Variants in FBXL17 observed in about 807,000 individuals in gnomAD.
FBXL17 encodes the protein F-box and leucine rich repeat protein 17.
FBXL17 carries 22 observed loss-of-function variants against 66.2 expected under a neutral mutation model. The observed-to-expected ratio is 0.33, with a 90% CI of 0.24 to 0.47. The LOEUF (loss-of-function observed/expected upper bound fraction) is 0.47, where lower values mean the gene tolerates loss of function less well. Ranked by LOEUF, FBXL17 falls within the 20% of genes least tolerant of loss-of-function variation. The probability of loss-of-function intolerance (pLI) is 1.00; values close to 1 mark genes in which losing one functional copy is unlikely to be tolerated. For missense variants in FBXL17, 878 were observed against 948.2 expected (o/e 0.93, Z 0.97); for synonymous variants, 474 against 400.5 (o/e 1.18, Z -2.19).
At chr5:108,051,144 T>A (rs562995730) in intron 6 of FBXL17, among the ~76,000 whole-genome samples, 1 of 152,282 alleles carries the variant, frequency 6.6e-6, no homozygotes, top group African/African-American at 2.4e-5. Context: ...CATAGCCCAA[T>A]TCTACCAGAG....
intron 3 of FBXL17, among the ~76,000 whole-genome samples, chr5:108,357,927 A>C (rs572058699): frequency 6.6e-6 from 1 of 152,266 alleles, no homozygotes; most frequent in Non-Finnish European, 1.5e-5. Context: ...CAGTGTTTAA[A>C]GGCAAATTTA....
intron 7 of FBXL17, among the ~76,000 whole-genome samples, chr5:107,902,673 G>A (rs776242775): frequency 2.8e-4 from 42 of 152,044 alleles, no homozygotes; most frequent in Non-Finnish European, 4.6e-4. Context: ...ATGTACTCTT[G>A]GAGACCATCT....
At chr5:108,328,491 T>C (rs966928713) in intron 4 of FBXL17, among the ~76,000 whole-genome samples, 1 of 152,020 alleles carries the variant, frequency 6.6e-6, no homozygotes, top group African/African-American at 2.4e-5. Flanking sequence ...CTATTGTTTG[T>C]GATGGGAAAA....
intron 4 of FBXL17, among the ~76,000 whole-genome samples, chr5:108,269,351 A>T (rs1757172333): frequency 6.6e-6 from 1 of 152,032 alleles, no homozygotes; most frequent in Non-Finnish European, 1.5e-5. Flanking sequence ...CAAGCGTTCA[A>T]TCTTTAGTTT....
chr5:107,933,120 G>A (rs1284823278), intron 7 of FBXL17, among the ~76,000 whole-genome samples: 3 of 152,122 alleles, frequency 2.0e-5, no homozygotes, highest in Non-Finnish European at 1.5e-5. Flanking sequence ...GAACGGTACT[G>A]AATTTACAGG....
chr5:108,181,529 G>C (rs1265815357), intron 6 of FBXL17, among the ~76,000 whole-genome samples: 1 of 152,046 alleles, frequency 6.6e-6, no homozygotes, highest in Non-Finnish European at 1.5e-5. Flanking sequence ...ACACCATAAA[G>C]TATAACAGTA....
At chr5:107,868,376 G>A (rs748938264) in intron 8 of FBXL17, among the ~76,000 whole-genome samples, 2 of 152,200 alleles carry the variant, frequency 1.3e-5, no homozygotes, top group Admixed American at 1.3e-4. Context: ...CAAAATGGGT[G>A]CTCTAAATGT....
chr5:108,317,287 T>A (rs541549308), intron 4 of FBXL17, among the ~76,000 whole-genome samples: 2 of 151,286 alleles, frequency 1.3e-5, no homozygotes, highest in East Asian at 3.9e-4. Flanking sequence ...TAAAGAACAC[T>A]TTATTAAAAG....
intron 7 of FBXL17, among the ~76,000 whole-genome samples, chr5:107,970,249 A>C (rs916286792): frequency 2.6e-5 from 4 of 152,170 alleles, no homozygotes; most frequent in Non-Finnish European, 4.4e-5. Context: ...TTTGTTACCA[A>C]ACGCAAGTTC....
intron 7 of FBXL17, among the ~76,000 whole-genome samples, chr5:107,946,395 A>C (rs1212253239): frequency 7.0e-6 from 1 of 142,970 alleles, no homozygotes; most frequent in Non-Finnish European, 1.5e-5. Context: ...CCTTGGCTTA[A>C]GTGATCTGTT....
intron 1 of FBXL17, among the ~76,000 whole-genome samples, chr5:108,373,792 C>T (rs1029662111): frequency 6.6e-5 from 10 of 152,076 alleles, no homozygotes; most frequent in Admixed American, 2.6e-4. Context: ...GTGGTATGCA[C>T]CTATGGTCTC....
chr5:108,298,002 G>A (rs1422931400), intron 4 of FBXL17: 6 of 983,830 alleles, frequency 6.1e-6, no homozygotes, highest in South Asian at 9.4e-5. Flanking sequence ...CTAAATGTAA[G>A]CTACAGTCAC....
intron 7 of FBXL17, among the ~76,000 whole-genome samples, chr5:108,016,028 G>A (rs1028849200): frequency 6.6e-6 from 1 of 152,172 alleles, no homozygotes; most frequent in Non-Finnish European, 1.5e-5. Flanking sequence ...CCAGCACACG[G>A]TGGGTGCTGA....
chr5:107,916,013 G>A (rs1020565718), intron 7 of FBXL17, among the ~76,000 whole-genome samples: 1 of 152,078 alleles, frequency 6.6e-6, no homozygotes, highest in African/African-American at 2.4e-5. Context: ...CTTTGCTCCA[G>A]ACAATAGATT....
At position 108,381,654 on chromosome 5, in the gene FBXL17, G is replaced by C. The variant is rs1166070784; in HGVS notation, c.38C>G (p.Pro13Arg). Residue 13 changes from proline to arginine, a missense_variant, in exon 1 of 9, where the codon CCG (proline) becomes CGG (arginine). Transcript: ENST00000542267. ...GCAACAGCGAGGCCTCTTCTGGCTC[G>C]GGCGGTTACGCGGCTCCTTCGAGAG... ...HLLSKEPRNR[P>R]SQKRPRCCSW... is the part of the protein sequence containing the mutation. 9.5e-6 allele frequency: 14 copies of C among 1,477,258 alleles called. No individual in the cohort carries two copies. Among genetic ancestry groups the C allele is most frequent in the African/African-American group, 1.5e-5 (1 of 68,388 alleles). 91.5% of individuals were successfully genotyped at this position (1,477,258 alleles called of 1,614,324 possible).
chr5:108,136,675 T>A (rs1751147497), intron 6 of FBXL17, among the ~76,000 whole-genome samples: 3 of 152,176 alleles, frequency 2.0e-5, no homozygotes, highest in Admixed American at 2.0e-4. Flanking sequence ...CATAATTATA[T>A]TAAATTTGCA....
intron 4 of FBXL17, among the ~76,000 whole-genome samples, chr5:108,311,093 C>T (rs1343960099): frequency 6.6e-6 from 1 of 152,172 alleles, no homozygotes. Flanking sequence ...TCACTGAAAT[C>T]ACTGCATTCT....
intron 6 of FBXL17, among the ~76,000 whole-genome samples, chr5:108,033,877 TAAGGA>T (rs778808042): frequency 4.7e-4 from 72 of 152,314 alleles, no homozygotes; most frequent in Non-Finnish European, 9.7e-4. Flanking sequence ...TATTTTTCAT[TAAGGA>T]AATACACAAT....
At chr5:108,347,901 G>A (rs1341629340) in intron 4 of FBXL17, among the ~76,000 whole-genome samples, 1 of 152,088 alleles carries the variant, frequency 6.6e-6, no homozygotes, top group Non-Finnish European at 1.5e-5. Flanking sequence ...CATTACCCAT[G>A]TATGTGCTTA....
Sources: allele counts gnomAD v4.1 joint callset (sites outside exome capture counted in the v4.1 genomes callset), GRCh38; gene constraint gnomAD v4.1.1; transcripts MANE v1.5; gene names NCBI Gene and HGNC (gene_info 2026-07-23, HGNC 2026-07-21).